The following TNN variants were observed in gnomAD, a reference collection of about 807,000 sequenced individuals.
The protein encoded by TNN is tenascin N, also known as tenascin-N.
In TNN, 122 loss-of-function variants were observed where a neutral mutation model predicts 134.4. That is an observed-to-expected ratio of 0.91 (90% CI 0.78 to 1.06). The LOEUF (loss-of-function observed/expected upper bound fraction) is 1.06, where lower values mean the gene tolerates loss of function less well. TNN is among the 50% of genes least tolerant of loss of function. The pLI is 0.00. For synonymous variants in TNN, 710 were observed against 670.3 expected (o/e 1.06, Z -0.91); for missense variants, 1,739 against 1,699.4 (o/e 1.02, Z -0.41).
At chr1:175,138,771 A>G (rs1675878395) in intron 17 of TNN, among the ~76,000 whole-genome samples, 1 of 152,216 alleles carries the variant, frequency 6.6e-6, no homozygotes, top group Non-Finnish European at 1.5e-5. Context: ...ACATTCTGAG[A>G]ACTGCATTGT....
intron 10 of TNN, 143 bp downstream of exon 10, chr1:175,117,348 C>T (rs1182682518): frequency 8.8e-6 from 12 of 1,367,874 alleles, no homozygotes; most frequent in East Asian, 2.4e-5. Flanking sequence ...AGATTGCACA[C>T]ACCATCCCTC....
chr1:175,080,131 C>T (rs1453864377), intron 3 of TNN, 32 bp from the exon 4 acceptor site: 7 of 1,608,196 alleles, frequency 4.4e-6, no homozygotes, highest in South Asian at 3.3e-5. Flanking sequence ...CCCTTGCTCA[C>T]CCTCTCTGCC....
intron 3 of TNN, 27 bp downstream of exon 3, chr1:175,079,734 C>A: frequency 6.5e-7 from 1 of 1,545,780 alleles, no homozygotes; most frequent in Non-Finnish European, 8.7e-7. Flanking sequence ...GCCCTCGGGC[C>A]GCCGGACTCT....
intron 6 of TNN, among the ~76,000 whole-genome samples, chr1:175,091,559 T>TTTTATTTATTTATTTA (rs199865867): frequency 7.1e-6 from 1 of 141,688 alleles, no homozygotes; most frequent in Admixed American, 7.0e-5. Flanking sequence ...TATTTATTAT[T>TTTTATTTATTTATTTA]TTTATTTATT....
chr1:175,137,095 G>A, intron 17 of TNN, 107 bp downstream of exon 17: 1 of 1,233,130 alleles, frequency 8.1e-7, no homozygotes, highest in Non-Finnish European at 1.1e-6. Flanking sequence ...TTCTGTGGAG[G>A]TGAATTGTTC....
At position 175,067,917 on chromosome 1, in the gene TNN, G is replaced by A. The variant is rs956045185; in HGVS notation, c.-54G>A. On this transcript the variant is annotated 5_prime_UTR_variant, in exon 1 of 19. Coordinates refer to ENST00000239462, the MANE Select transcript of TNN (RefSeq NM_022093.2). The stretch of plus-strand genomic sequence containing the variant: ...CACAGGAGCAGCAGCATTGGAAGAG[G>A]CACCCAGCAGCCTCCCAGGTAAGAG... 4.1e-6 allele frequency: 2 copies of A among 485,834 alleles called. No individual in the cohort carries two copies. The highest frequency in any genetic ancestry group is 2.2e-5 in the Admixed American group (1 of 46,256). The allele number at this position is 485,834 out of a possible 1,614,324, so 30.1% of individuals were successfully genotyped here.
chr1:175,097,776 T>C, intron 8 of TNN, 93 bp downstream of exon 8: 2 of 1,517,840 alleles, frequency 1.3e-6, no homozygotes, highest in South Asian at 2.6e-5. Flanking sequence ...GCAGAAAGAC[T>C]TTGCAATTAG....
chr1:175,083,661 G>T (rs1308251590), intron 4 of TNN, 89 bp from the exon 5 acceptor site: 2 of 1,258,000 alleles, frequency 1.6e-6, no homozygotes, highest in Non-Finnish European at 2.2e-6. Context: ...TCAAGAAAGG[G>T]AGCTGACCTG....
At chr1:175,146,834 G>GTAAT (rs1241696909) in intron 18 of TNN, 97 bp from the exon 19 acceptor site, 73 of 1,182,484 alleles carry the variant, frequency 6.2e-5, no homozygotes, top group South Asian at 3.3e-4. Context: ...GGTTTCACTG[G>GTAAT]TAATTAATTA....
At chr1:175,085,803 G>A (rs1410942319) in intron 6 of TNN, among the ~76,000 whole-genome samples, 1 of 151,338 alleles carries the variant, frequency 6.6e-6, no homozygotes, top group Non-Finnish European at 1.5e-5. Flanking sequence ...GAGCCCGGGA[G>A]GTGGAGGTTG....
At chr1:175,083,547 C>T (rs769355882) in intron 4 of TNN, among the ~76,000 whole-genome samples, 1 of 152,166 alleles carries the variant, frequency 6.6e-6, no homozygotes, top group Non-Finnish European at 1.5e-5. Context: ...AAAAGACAGT[C>T]TGCCCATGGA....
At chr1:175,097,026 A>T (rs934782229) in intron 7 of TNN, among the ~76,000 whole-genome samples, 1 of 152,248 alleles carries the variant, frequency 6.6e-6, no homozygotes, top group African/African-American at 2.4e-5. Flanking sequence ...CTCAAAGAAC[A>T]TATTAGAGCA....
At chr1:175,145,475 C>T (rs544853327) in intron 18 of TNN, among the ~76,000 whole-genome samples, 2 of 136,254 alleles carry the variant, frequency 1.5e-5, no homozygotes, top group South Asian at 4.7e-4. Flanking sequence ...ATCACTTGAG[C>T]CTGGGAGGTT....
chr1:175,073,764 G>A (rs1673972768), intron 1 of TNN, among the ~76,000 whole-genome samples: 1 of 152,246 alleles, frequency 6.6e-6, no homozygotes, highest in African/African-American at 2.4e-5. Context: ...TCTGTTGGAT[G>A]CCCTTGTTAT....
intron 2 of TNN, among the ~76,000 whole-genome samples, chr1:175,078,395 G>T (rs1558347519): frequency 6.6e-6 from 1 of 151,934 alleles, no homozygotes; most frequent in Admixed American, 6.5e-5. Context: ...AATTATAATT[G>T]TAAAATAATT....
intron 18 of TNN, 137 bp downstream of exon 18, chr1:175,144,687 C>T (rs776525239): frequency 7.3e-6 from 7 of 962,734 alleles, no homozygotes; most frequent in Non-Finnish European, 1.1e-5. Flanking sequence ...CTCCTCCAGG[C>T]TCCATGGCCT....
Position 175,097,602 on chromosome 1 carries a change from C to T in TNN, c.1774C>T (p.Pro592Ser), listed in dbSNP as rs1459384283. ...CAGCACTGTCCTGACAGGCCTGAGG[C>T]CAGGTGTGGAGTACACAGTGCATGT... ...QSSTVLTGLR[P>S]GVEYTVHVWA... is the part of the protein sequence containing the mutation. The change falls in exon 8 of 19, where the codon CCA (proline) becomes TCA (serine). Residue 592 changes from proline (P) to serine (S), a missense_variant. Pro to Ser is a moderately conservative substitution (Grantham distance 74, BLOSUM62 -1). Transcript: ENST00000239462. The T allele has an allele frequency of 1.2e-6, 2 of 1,614,012 alleles. No homozygotes were observed. Among genetic ancestry groups the T allele is most frequent in the African/African-American group, 2.7e-5 (2 of 74,892 alleles).
intron 1 of TNN, among the ~76,000 whole-genome samples, chr1:175,076,847 T>G (rs1674052513): frequency 6.6e-6 from 1 of 152,182 alleles, no homozygotes; most frequent in African/African-American, 2.4e-5. Flanking sequence ...TCATTTAAAG[T>G]AGTAGTGCTT....
intron 9 of TNN, among the ~76,000 whole-genome samples, chr1:175,105,668 G>A (rs1348488451): frequency 6.9e-6 from 1 of 145,690 alleles, no homozygotes; most frequent in Non-Finnish European, 1.5e-5. Context: ...ATCAGAAAGA[G>A]AATATTGGGG....
Sources: allele counts gnomAD v4.1 joint callset (sites outside exome capture counted in the v4.1 genomes callset), GRCh38; gene constraint gnomAD v4.1.1; transcripts MANE v1.5; gene names NCBI Gene and HGNC (gene_info 2026-07-23, HGNC 2026-07-21).